The following BIRC2 variants were observed in gnomAD, a reference collection of about 807,000 sequenced individuals.
BIRC2 encodes the protein baculoviral IAP repeat containing 2, also known as baculoviral IAP repeat-containing protein 2.
In BIRC2, 18 loss-of-function variants were observed where a neutral mutation model predicts 60.9. The observed-to-expected ratio is 0.30, with a 90% CI of 0.20 to 0.44. The LOEUF is 0.44. BIRC2 is among the 20% of genes least tolerant of loss of function. The pLI is 1.00. For missense variants in BIRC2, 701 were observed against 728.5 expected, an observed-to-expected ratio of 0.96 and a Z score of 0.43; for synonymous variants, 282 against 247.7, an observed-to-expected ratio of 1.14 and a Z score of -1.30.
Position 102,378,670 on chromosome 11 carries a change from A to T in BIRC2, c.*487A>T, listed in dbSNP as rs1252351508. On this transcript the variant is annotated 3_prime_UTR_variant, in exon 9 of 9. Coordinates refer to ENST00000227758, the MANE Select transcript of BIRC2 (RefSeq NM_001166.5). ...CATCTCAATAAAGTGCTTTAAAAAGATTGTGTTACCAGAATATTTTTTCTT... is the reference window on the plus strand; with the variant it reads ...CATCTCAATAAAGTGCTTTAAAAAGTTTGTGTTACCAGAATATTTTTTCTT... 1 of 152,242 alleles carries T rather than the reference A, an allele frequency of 6.6e-6. No homozygotes were observed. The highest frequency in any genetic ancestry group is 1.5e-5 in the Non-Finnish European group (1 of 68,066). The allele number at this position is 152,242 out of a possible 1,614,324, so 9.4% of individuals were successfully genotyped here.
chr11:102,360,684 T>G (rs1223553772), intron 3 of BIRC2, among the ~76,000 whole-genome samples: 1 of 151,124 alleles, frequency 6.6e-6, no homozygotes, highest in Non-Finnish European at 1.5e-5. Flanking sequence ...AATGTCACGT[T>G]TCTTTTTTTT....
intron 5 of BIRC2, among the ~76,000 whole-genome samples, chr11:102,364,174 T>TATATATATAC (rs1389968594): frequency 0.02 from 1,532 of 77,054 alleles, 32 homozygotes; most frequent in South Asian, 0.024. Context: ...TATATATATA[T>TATATATATAC]ACACACACAC....
intron 3 of BIRC2, among the ~76,000 whole-genome samples, chr11:102,351,683 A>G (rs577362086): frequency 2.7e-4 from 40 of 148,000 alleles, no homozygotes; most frequent in African/African-American, 9.9e-4. Flanking sequence ...ATTGTAAATT[A>G]TTTTTTCTGT....
intron 6 of BIRC2, among the ~76,000 whole-genome samples, chr11:102,375,387 G>T (rs1393634409): frequency 6.6e-6 from 1 of 152,206 alleles, no homozygotes; most frequent in African/African-American, 2.4e-5. Flanking sequence ...TTTTAAGCTT[G>T]TAAGTAAAGA....
intron 3 of BIRC2, among the ~76,000 whole-genome samples, chr11:102,358,839 C>T (rs1951453203): frequency 6.6e-6 from 1 of 151,968 alleles, no homozygotes; most frequent in Non-Finnish European, 1.5e-5. Context: ...TTTCCTATAC[C>T]CATGCATGTG....
At chr11:102,354,955 T>TTC (rs1428457724) in intron 3 of BIRC2, among the ~76,000 whole-genome samples, 1 of 151,032 alleles carries the variant, frequency 6.6e-6, no homozygotes, top group East Asian at 1.9e-4. Context: ...TTTTTTTTTT[T>TTC]TTTTTTTTTT....
At chr11:102,374,530 G>C (rs1270142148) in intron 6 of BIRC2, among the ~76,000 whole-genome samples, 1 of 150,980 alleles carries the variant, frequency 6.6e-6, no homozygotes, top group Non-Finnish European at 1.5e-5. Flanking sequence ...CCGGTTCTCA[G>C]ATCTCCAGCT....
chr11:102,350,981 T>A (rs376038091), intron 3 of BIRC2, 38 bp downstream of exon 3: 6 of 1,594,640 alleles, frequency 3.8e-6, no homozygotes, highest in Non-Finnish European at 5.1e-6. Flanking sequence ...CAAAAAACTC[T>A]GTGCTTAAAA....
chr11:102,358,532 C>T (rs1008680895), intron 3 of BIRC2, among the ~76,000 whole-genome samples: 1 of 152,156 alleles, frequency 6.6e-6, no homozygotes, highest in Non-Finnish European at 1.5e-5. Context: ...GATTTTCTGT[C>T]TGGATGACCC....
intron 3 of BIRC2, among the ~76,000 whole-genome samples, chr11:102,361,648 G>A (rs1460547251): frequency 6.6e-6 from 1 of 152,140 alleles, no homozygotes; most frequent in Non-Finnish European, 1.5e-5. Flanking sequence ...GAAGTCTGTG[G>A]CTATCTTGAG....
rs532791577 is a variant in BIRC2, at chr11:102,350,180, G to C, written c.326G>C (p.Ser109Thr). The C allele has an allele frequency of 1.2e-6, 2 of 1,614,192 alleles. No individual in the cohort carries two copies. Among genetic ancestry groups the C allele is most frequent in the South Asian group, 1.1e-5 (1 of 91,082 alleles). The stretch of plus-strand genomic sequence containing the variant: ...CAAAAGCATAAACAGCTATATCCTA[G>C]CTGTAGCTTTATTCAGAATCTGGTT... ...PIQKHKQLYPSCSFIQNLVSA... is the reference protein window; with the variant it reads ...PIQKHKQLYPTCSFIQNLVSA... Residue 109 changes from serine to threonine, a missense_variant, in exon 2 of 9, where the codon AGC (serine) becomes ACC (threonine). This residue lies in a region of BIRC2 where 375 missense variants were observed against 365.9 expected (regional missense o/e 1.02). Transcript: ENST00000227758.
At position 102,350,744 on chromosome 11, in the gene BIRC2, A is replaced by G. The variant is rs140378382; in HGVS notation, c.890A>G (p.Tyr297Cys). 1.1e-5 allele frequency: 18 copies of G among 1,604,758 alleles called. No individual in the cohort carries two copies. The African/African-American group carries it at 2.2e-4, about 19-fold the overall frequency. ...PEQLASAGFY[Y>C]VGRNDDVKCF... is the part of the protein sequence containing the mutation. ...CAGCTTGCAAGTGCTGGTTTTTATT[A>G]TGTGGGTAAGAAGCAAATAACTATA... The change falls in exon 2 of 9, where the codon TAT becomes TGT. Residue 297 changes from tyrosine to cysteine, a missense_variant. Coordinates refer to ENST00000227758, the MANE Select transcript of BIRC2 (RefSeq NM_001166.5).
Position 102,349,885 on chromosome 11 carries a change from C to G in BIRC2, c.31C>G (p.Pro11Ala), listed in dbSNP as rs780316404. Residue 11 changes from proline (P) to alanine (A), a missense_variant, in exon 2 of 9, where the codon CCA becomes GCA. Transcript: ENST00000227758. MHKTASQRLF[P>A]GPSYQNIKSI... ...CAAAACTGCCTCCCAAAGACTTTTC[C>G]CAGGTCCCTCGTATCAAAACATTAA... 1.9e-6 allele frequency: 3 copies of G among 1,610,916 alleles called. No individual in the cohort carries two copies. Among genetic ancestry groups the G allele is most frequent in the Non-Finnish European group, 1.7e-6 (2 of 1,178,012 alleles).
chr11:102,353,484 G>GTTTTTTTTTTTTTTTTTTT (rs1565331945), intron 3 of BIRC2, among the ~76,000 whole-genome samples: 1 of 151,768 alleles, frequency 6.6e-6, no homozygotes, highest in African/African-American at 2.4e-5. Flanking sequence ...ACACTCAGTA[G>GTTTTTTTTTTTTTTTTTTT]TTTTTGTATT....
At chr11:102,373,093 C>A (rs1951654152) in intron 6 of BIRC2, among the ~76,000 whole-genome samples, 1 of 150,168 alleles carries the variant, frequency 6.7e-6, no homozygotes, top group South Asian at 2.1e-4. Context: ...CTGAATACAG[C>A]ACACTGATGG....
intron 6 of BIRC2, among the ~76,000 whole-genome samples, chr11:102,374,921 C>T (rs1318600007): frequency 6.6e-6 from 1 of 152,188 alleles, no homozygotes; most frequent in Admixed American, 6.5e-5. Flanking sequence ...GTGGGAGTGA[C>T]CCGATTTTCC....
chr11:102,365,869 A>G (rs1339588060), intron 5 of BIRC2, among the ~76,000 whole-genome samples: 1 of 152,218 alleles, frequency 6.6e-6, no homozygotes. Flanking sequence ...CTGGGATTGC[A>G]GGCATGAGCC....
At chr11:102,352,587 ATTTTTAGTAGAGACAGGG>A (rs533460950) in intron 3 of BIRC2, among the ~76,000 whole-genome samples, 51 of 151,964 alleles carry the variant, frequency 3.4e-4, no homozygotes, top group African/African-American at 5.8e-4. Flanking sequence ...ATTTTTTTGT[ATTTTTAGTAGAGACAGGG>A]TTTTTAGTAG....
chr11:102,350,511 C>A lies in BIRC2; in HGVS notation c.657C>A (p.Ala219=). The stretch of plus-strand genomic sequence containing the variant: ...ATATAGGACCTGGAGATAGGGTAGC[C>A]TGCTTTGCCTGTGGTGGGAAGCTCA... ...FYYIGPGDRV[A]CFACGGKLSN... Residue 219 remains alanine, a synonymous_variant, in exon 2 of 9, where the codon GCC becomes GCA. Coordinates refer to ENST00000227758, the MANE Select transcript of BIRC2 (RefSeq NM_001166.5). The A allele has an allele frequency of 6.2e-7, 1 of 1,614,198 alleles. No homozygotes were observed. The highest frequency in any genetic ancestry group is 8.5e-7 in the Non-Finnish European group (1 of 1,180,038).
Sources: allele counts gnomAD v4.1 joint callset (sites outside exome capture counted in the v4.1 genomes callset), GRCh38; gene constraint gnomAD v4.1.1; regional missense constraint gnomAD v4.1.1; transcripts MANE v1.5; gene names NCBI Gene and HGNC (gene_info 2026-07-23, HGNC 2026-07-21).